ADAM12: variants seen among roughly 807,000 people sequenced by gnomAD.
ADAM12 encodes the protein ADAM metallopeptidase domain 12, also known as disintegrin and metalloproteinase domain-containing protein 12.
A neutral mutation model predicts 106.4 loss-of-function variants in ADAM12; 70 were observed. The observed-to-expected ratio is 0.66, with a 90% CI of 0.54 to 0.80. The LOEUF is 0.80. ADAM12 is among the 30% of genes least tolerant of loss of function. The pLI is 0.00. For synonymous variants in ADAM12, 420 were observed against 433.5 expected (o/e 0.97, Z 0.39); for missense variants, 1,010 against 1,171.9 (o/e 0.86, Z 2.02).
At chr10:126,135,888 T>G (rs1956396459) in intron 4 of ADAM12, among the ~76,000 whole-genome samples, 1 of 152,228 alleles carries the variant, frequency 6.6e-6, no homozygotes, top group African/African-American at 2.4e-5. Flanking sequence ...GAACCCTAGT[T>G]TCACTCTTGT....
chr10:126,131,104 C>CTTTTTTTT lies in ADAM12; in HGVS notation c.416+4472_416+4479dup, dbSNP rs71029289. Among the ~76,000 whole-genome samples, 49 of 100,914 alleles carry CTTTTTTTT rather than the reference C, an allele frequency of 4.9e-4. 2 individuals carry two copies. The highest frequency in any genetic ancestry group is 1.6e-3 in the African/African-American group (43 of 26,420). 66.2% of individuals were successfully genotyped at this position (100,914 alleles called of 152,430 possible). On this transcript the variant is annotated intron_variant, in intron 5 of 22. Coordinates refer to ENST00000448723, the MANE Select transcript of ADAM12 (RefSeq NM_001288973.2). ...AGTGTCCCTGGCTCTCAGCTGTCTTCTTTTTTTTTTTTTTTTTTTTTTTTT... is the reference window on the plus strand; with the variant it reads ...AGTGTCCCTGGCTCTCAGCTGTCTTCTTTTTTTTTTTTTTTTTTTTTTTTTTTTTTTTT...
intron 3 of ADAM12, among the ~76,000 whole-genome samples, chr10:126,209,818 T>A (rs1239777704): frequency 6.6e-6 from 1 of 152,202 alleles, no homozygotes; most frequent in African/African-American, 2.4e-5. Flanking sequence ...CCCAAGCCTA[T>A]GAGCACTAAG....
intron 2 of ADAM12, among the ~76,000 whole-genome samples, chr10:126,291,887 T>C (rs1960166530): frequency 6.6e-6 from 1 of 152,156 alleles, no homozygotes; most frequent in Non-Finnish European, 1.5e-5. Context: ...TTGCAACCTT[T>C]ATGGGTATAA....
intron 2 of ADAM12, among the ~76,000 whole-genome samples, chr10:126,322,699 G>A (rs1416286182): frequency 1.3e-5 from 2 of 152,198 alleles, no homozygotes; most frequent in Non-Finnish European, 2.9e-5. Flanking sequence ...TTACAGCTAA[G>A]GAAACAAAGC....
chr10:126,019,833 A>G lies in ADAM12; in HGVS notation c.2530-8T>C. ...GTTTGGCTTACAGGTCCCCTGCAATAAACATAGGGTTAGGCAGGGTCACTT... is the reference window on the plus strand; with the variant it reads ...GTTTGGCTTACAGGTCCCCTGCAATGAACATAGGGTTAGGCAGGGTCACTT... On this transcript the variant is annotated splice_region_variant and splice_polypyrimidine_tract_variant and intron_variant, in intron 21 of 22. Coordinates refer to ENST00000448723, the MANE Select transcript of ADAM12 (RefSeq NM_001288973.2). 2 of 1,611,684 alleles carry G rather than the reference A, an allele frequency of 1.2e-6. No individual in the cohort carries two copies. Among genetic ancestry groups the G allele is most frequent in the Non-Finnish European group, 1.7e-6 (2 of 1,178,822 alleles).
At chr10:126,380,924 A>G (rs1415651291) in intron 1 of ADAM12, among the ~76,000 whole-genome samples, 2 of 152,210 alleles carry the variant, frequency 1.3e-5, no homozygotes, top group East Asian at 1.9e-4. Flanking sequence ...TAGCTTAAGG[A>G]GGCCTCTGAA....
rs775026440 is a variant in ADAM12, at chr10:126,155,241, C to A, written c.325G>T (p.Ala109Ser). Reference protein sequence around the residue: ...YLQDGTDVSLARNYTGHCYYH... With the variant: ...YLQDGTDVSLSRNYTGHCYYH... ...GCCAGAATTACCGTGTAATTTCGAG[C>A]GAGGGAGACATCAGTACCGTCTTGC... is the stretch of plus-strand genomic sequence containing the variant. Residue 109 changes from alanine (A) to serine (S), a missense_variant, in exon 4 of 23, where the codon GCT becomes TCT. Ala to Ser is a moderately conservative substitution (Grantham distance 99). This residue lies in a region of ADAM12 where 391 missense variants were observed against 442.9 expected (regional missense o/e 0.88). Transcript: ENST00000448723. 5.0e-6 allele frequency: 8 copies of A among 1,613,832 alleles called. No individual in the cohort carries two copies. Among genetic ancestry groups the A allele is most frequent in the African/African-American group, 4.0e-5 (3 of 74,852 alleles).
intron 11 of ADAM12, among the ~76,000 whole-genome samples, chr10:126,072,897 C>A (rs1955025769): frequency 1.3e-5 from 2 of 152,166 alleles, no homozygotes; most frequent in South Asian, 2.1e-4. Context: ...ATTGGCCAAA[C>A]CAACGCAAGC....
chr10:126,113,690 ATATATATATATATATATATAT>A (rs1955922174), intron 6 of ADAM12, among the ~76,000 whole-genome samples: 3 of 13,894 alleles, frequency 2.2e-4, no homozygotes, highest in Admixed American at 1.5e-3. Context: ...AAAAAAAAAT[ATATATATATATATATATATAT>A]ATATATATAT....
At chr10:126,258,338 C>T (rs1958933426) in intron 3 of ADAM12, among the ~76,000 whole-genome samples, 1 of 152,072 alleles carries the variant, frequency 6.6e-6, no homozygotes, top group East Asian at 1.9e-4. Context: ...CAGGATTTTT[C>T]CCTAATTATT....
rs373206394 is a variant in ADAM12, at chr10:126,122,754, C to T, written c.417-4530G>A. ...CAGCCTGGGTGACAGAACGAGAGTC[C>T]CTCTCAAAAACAAAAAAAACAAAAA... On this transcript the variant is annotated intron_variant, in intron 5 of 22. Coordinates refer to ENST00000448723, the MANE Select transcript of ADAM12 (RefSeq NM_001288973.2). Among the ~76,000 whole-genome samples the T allele has an allele frequency of 1.0e-3, 153 of 151,882 alleles. 1 individual carries two copies. Among genetic ancestry groups the T allele is most frequent in the African/African-American group, 3.6e-3 (147 of 41,348 alleles).
chr10:126,071,806 T>C (rs1954999294), intron 11 of ADAM12, 152 bp from the exon 12 acceptor site: 2 of 782,474 alleles, frequency 2.6e-6, no homozygotes, highest in Admixed American at 2.7e-5. Flanking sequence ...AACTCAGATA[T>C]GCAGTGTCAA....
intron 1 of ADAM12, among the ~76,000 whole-genome samples, chr10:126,368,661 T>TG (rs56044964): frequency 0.16 from 24,266 of 151,738 alleles, 2,298 homozygotes; most frequent in Middle Eastern, 0.28. Flanking sequence ...TTGTTGTTGT[T>TG]TTTTTTTGCC....
At chr10:126,026,274 A>AAGAAG (rs1953871691) in intron 21 of ADAM12, among the ~76,000 whole-genome samples, 1 of 152,224 alleles carries the variant, frequency 6.6e-6, no homozygotes, top group Non-Finnish European at 1.5e-5. Flanking sequence ...AGAGTTCAAT[A>AAGAAG]AGAAGAGCTA....
chr10:126,174,558 C>T (rs1278795935), intron 3 of ADAM12, among the ~76,000 whole-genome samples: 3 of 152,164 alleles, frequency 2.0e-5, no homozygotes, highest in South Asian at 2.1e-4. Context: ...ACAACTGGCA[C>T]ACTGAAGATG....
chr10:126,019,243 A>G (rs758770009), intron 22 of ADAM12, among the ~76,000 whole-genome samples: 1 of 152,178 alleles, frequency 6.6e-6, no homozygotes, highest in South Asian at 2.1e-4. Flanking sequence ...ATATGCTGCC[A>G]TACTTCCTGT....
intron 3 of ADAM12, among the ~76,000 whole-genome samples, chr10:126,197,129 G>A (rs1187704335): frequency 1.3e-5 from 2 of 152,078 alleles, no homozygotes; most frequent in Non-Finnish European, 2.9e-5. Flanking sequence ...CCAGGTGGAG[G>A]CAGGGGTGGT....
Position 126,043,816 on chromosome 10 carries a change from C to T in ADAM12, c.1996-668G>A, listed in dbSNP as rs1039271810. Among the ~76,000 whole-genome samples the T allele has an allele frequency of 9.8e-5, 15 of 152,342 alleles. No homozygotes were observed. Among genetic ancestry groups the T allele is most frequent in the African/African-American group, 2.4e-4 (10 of 41,592 alleles). On this transcript the variant is annotated intron_variant, in intron 17 of 22. Coordinates refer to ENST00000448723, the MANE Select transcript of ADAM12 (RefSeq NM_001288973.2). This position sits in a 1 kb window ranked among gnomAD's most constrained non-coding sequence, Gnocchi z 4.1. ...GTGGCTGTTCCCTGGCTCCCAGTCA[C>T]GCACCAGGGTGCGAATCCAACAGTG...
chr10:126,327,652 C>A (rs1253516078), intron 2 of ADAM12, among the ~76,000 whole-genome samples: 2 of 150,670 alleles, frequency 1.3e-5, no homozygotes, highest in African/African-American at 2.4e-5. Flanking sequence ...ACGAAGAAAT[C>A]AAAAAGCTAG....
Sources: gnomAD v4.1 joint callset for allele counts (sites outside exome capture counted in the v4.1 genomes callset) on GRCh38, gnomAD v4.1.1 for gene constraint, gnomAD v4.1.1 regional missense constraint, Gnocchi (gnomAD v3.1) non-coding constraint, MANE v1.5 for transcripts, NCBI Gene and HGNC (gene_info 2026-07-23, HGNC 2026-07-21) for gene names.